The following DGKB variants were observed in gnomAD, a reference collection of about 807,000 sequenced individuals.
DGKB encodes diacylglycerol kinase beta, also known as 90 kDa diacylglycerol kinase.
In DGKB, 67 loss-of-function variants were observed where a neutral mutation model predicts 114.3. That is an observed-to-expected ratio of 0.59 (90% CI 0.48 to 0.72). The LOEUF is 0.72. Among genes scored for constraint, DGKB ranks in the 30% least tolerant of loss-of-function variants. The pLI, the probability that DGKB is intolerant of heterozygous loss-of-function variation, is 0.00. For synonymous variants in DGKB, 398 were observed against 323.1 expected, an observed-to-expected ratio of 1.23 and a Z score of -2.49; for missense variants, 907 against 975.2, an observed-to-expected ratio of 0.93 and a Z score of 0.93.
chr7:14,452,348 A>T (rs558856896), intron 21 of DGKB, among the ~76,000 whole-genome samples: 24 of 152,228 alleles, frequency 1.6e-4, no homozygotes, highest in African/African-American at 5.8e-4. Context: ...CCTTATTCTC[A>T]TATAAATTCC....
intron 17 of DGKB, among the ~76,000 whole-genome samples, chr7:14,588,909 T>G (rs1315079280): frequency 6.6e-6 from 1 of 152,058 alleles, no homozygotes; most frequent in Non-Finnish European, 1.5e-5. Flanking sequence ...TCACCAAAAC[T>G]AAAATAATAG....
chr7:14,530,213 A>G (rs1705439855), intron 20 of DGKB, among the ~76,000 whole-genome samples: 1 of 151,632 alleles, frequency 6.6e-6, no homozygotes, highest in Non-Finnish European at 1.5e-5. Flanking sequence ...AATAAAATTT[A>G]CAGTCCTAAT....
intron 25 of DGKB, among the ~76,000 whole-genome samples, chr7:14,164,807 G>T (rs1052076323): frequency 6.6e-6 from 1 of 151,938 alleles, no homozygotes; most frequent in Non-Finnish European, 1.5e-5. Flanking sequence ...TTATGAAAAA[G>T]AAGAAAATTC....
chr7:14,149,167 G>C lies in DGKB; in HGVS notation c.2376C>G (p.Ser792=), dbSNP rs1584038072. ...GPPPKTGLFC[S]LVKRTRNRSK... The stretch of plus-strand genomic sequence containing the variant: ...TTCGGTTTCTTGTCCTTTTGACGAG[G>C]GAGCAGAATAAACCGGTTTTTGGAG... The change falls in exon 26 of 26, where the codon TCC becomes TCG. Residue 792 remains serine (S), a synonymous_variant. Transcript: ENST00000402815. The C allele has an allele frequency of 6.2e-7, 1 of 1,613,474 alleles. No individual in the cohort carries two copies.
chr7:14,637,835 C>T (rs1282787066), intron 13 of DGKB, among the ~76,000 whole-genome samples: 2 of 151,734 alleles, frequency 1.3e-5, no homozygotes, highest in East Asian at 3.9e-4. Context: ...GCTACAGTTG[C>T]CTGCTGAAAA....
intron 20 of DGKB, among the ~76,000 whole-genome samples, chr7:14,482,006 T>C (rs1048858381): frequency 6.6e-6 from 1 of 151,992 alleles, no homozygotes; most frequent in Non-Finnish European, 1.5e-5. Flanking sequence ...GGACTACATA[T>C]TGAAGTCTGT....
intron 20 of DGKB, among the ~76,000 whole-genome samples, chr7:14,479,078 C>A (rs1470225445): frequency 6.6e-6 from 1 of 152,054 alleles, no homozygotes; most frequent in Non-Finnish European, 1.5e-5. Flanking sequence ...CATTCTTCAA[C>A]CACACATGAT....
At chr7:14,710,251 C>T (rs1411482926) in intron 6 of DGKB, among the ~76,000 whole-genome samples, 4 of 151,880 alleles carry the variant, frequency 2.6e-5, no homozygotes, top group African/African-American at 4.8e-5. Flanking sequence ...AGATTTATTT[C>T]CAGGTATTTA....
At chr7:14,241,278 A>C (rs1793602582) in intron 23 of DGKB, among the ~76,000 whole-genome samples, 1 of 152,154 alleles carries the variant, frequency 6.6e-6, no homozygotes, top group African/African-American at 2.4e-5. Context: ...GTCCAAACAT[A>C]CAATTTCTCC....
At chr7:14,799,977 C>A (rs1288320351) in intron 2 of DGKB, among the ~76,000 whole-genome samples, 1 of 151,824 alleles carries the variant, frequency 6.6e-6, no homozygotes, top group African/African-American at 2.4e-5. Context: ...AGTGCAGTGG[C>A]GCCATCTTGG....
At chr7:14,575,283 T>C (rs1798957591) in intron 19 of DGKB, among the ~76,000 whole-genome samples, 1 of 152,216 alleles carries the variant, frequency 6.6e-6, no homozygotes. Flanking sequence ...TTGTCATTAC[T>C]TGTGTTTTTC....
chr7:14,583,039 G>C lies in DGKB; in HGVS notation c.1519+13C>G. On this transcript the variant is annotated intron_variant, in intron 18 of 25. Coordinates refer to ENST00000402815, the MANE Select transcript of DGKB (RefSeq NM_001350709.2). ...CTCTCTCCCCAGCCATATTAAGTAT[G>C]TGTCTGCATTACCTATGCAATCCAA... The C allele has an allele frequency of 6.4e-7, 1 of 1,558,594 alleles. No individual in the cohort carries two copies. Among genetic ancestry groups the C allele is most frequent in the South Asian group, 1.1e-5 (1 of 89,834 alleles).
intron 5 of DGKB, among the ~76,000 whole-genome samples, chr7:14,734,960 G>A (rs1831494093): frequency 6.6e-6 from 1 of 152,104 alleles, no homozygotes; most frequent in African/African-American, 2.4e-5. Flanking sequence ...GGTGGGGTGG[G>A]GAGTCGCGGG....
chr7:14,545,201 G>A (rs1794089968), intron 20 of DGKB, among the ~76,000 whole-genome samples: 1 of 151,950 alleles, frequency 6.6e-6, no homozygotes, highest in Non-Finnish European at 1.5e-5. Context: ...CTAATAACAT[G>A]ATACACAGTA....
At chr7:14,240,056 C>G (rs2158826) in intron 23 of DGKB, among the ~76,000 whole-genome samples, 102,133 of 151,452 alleles carry the variant, frequency 0.67, 35,475 homozygotes, top group African/African-American at 0.85. Context: ...TGGAAAGAAA[C>G]ATGTGACAAA....
At chr7:14,889,243 C>T (rs796741077) in intron 1 of DGKB, among the ~76,000 whole-genome samples, 2 of 151,732 alleles carry the variant, frequency 1.3e-5, no homozygotes, top group African/African-American at 4.8e-5. Flanking sequence ...TTATTCCACA[C>T]AAGGGCATAT....
chr7:14,631,956 G>A (rs541935666), intron 13 of DGKB, among the ~76,000 whole-genome samples: 1 of 151,922 alleles, frequency 6.6e-6, no homozygotes, highest in Non-Finnish European at 1.5e-5. Context: ...ACCAAAATAA[G>A]AGACTTCAAT....
chr7:14,264,303 A>T (rs893602241), intron 23 of DGKB, among the ~76,000 whole-genome samples: 1 of 152,208 alleles, frequency 6.6e-6, no homozygotes, highest in Non-Finnish European at 1.5e-5. Context: ...TTTATCTGAA[A>T]TAGCCAAACC....
At chr7:14,217,599 A>T (rs1789203643) in intron 23 of DGKB, among the ~76,000 whole-genome samples, 1 of 149,368 alleles carries the variant, frequency 6.7e-6, no homozygotes, top group Admixed American at 6.7e-5. Flanking sequence ...ACGGGAAATT[A>T]AAAAAAAAAC....
Sources: allele counts gnomAD v4.1 joint callset (sites outside exome capture counted in the v4.1 genomes callset), GRCh38; gene constraint gnomAD v4.1.1; transcripts MANE v1.5; gene names NCBI Gene and HGNC (gene_info 2026-07-23, HGNC 2026-07-21).